JAZF1: variants seen among roughly 807,000 people sequenced by gnomAD.
JAZF1 encodes juxtaposed with another zinc finger protein 1.
JAZF1 carries 8 observed loss-of-function variants against 26.4 expected under a neutral mutation model. The ratio of observed to expected loss-of-function variants is 0.30; its 90% CI spans 0.18 to 0.55. The LOEUF is 0.55. JAZF1 is among the 20% of genes least tolerant of loss of function. JAZF1 has a pLI of 0.94. For synonymous variants in JAZF1, 126 were observed against 122.3 expected (o/e 1.03, Z -0.20); for missense variants, 199 against 322.0 (o/e 0.62, Z 2.92).
chr7:28,109,238 T>C (rs150037686), intron 1 of JAZF1, among the ~76,000 whole-genome samples: 218 of 152,360 alleles, frequency 1.4e-3, no homozygotes, highest in Middle Eastern at 0.01. Context: ...AAGATAACTA[T>C]GTGAGGTGAT....
intron 1 of JAZF1, among the ~76,000 whole-genome samples, chr7:28,021,629 T>C (rs1371961419): frequency 1.3e-5 from 2 of 152,134 alleles, no homozygotes; most frequent in African/African-American, 2.4e-5. Context: ...GACATGGTGG[T>C]GGGGCAGGGT....
intron 1 of JAZF1, among the ~76,000 whole-genome samples, chr7:28,065,427 G>A (rs965252236): frequency 1.3e-5 from 2 of 151,966 alleles, no homozygotes; most frequent in Non-Finnish European, 2.9e-5. Flanking sequence ...GCGGGGAGGC[G>A]CCTCAGGAGA....
intron 1 of JAZF1, among the ~76,000 whole-genome samples, chr7:28,038,549 T>C (rs910812307): frequency 6.6e-5 from 10 of 152,242 alleles, no homozygotes; most frequent in Non-Finnish European, 1.3e-4. Context: ...GTTTAACATC[T>C]GCTTTTTATA....
intron 2 of JAZF1, among the ~76,000 whole-genome samples, chr7:27,923,375 G>T (rs776669506): frequency 6.6e-6 from 1 of 152,232 alleles, no homozygotes; most frequent in Admixed American, 6.5e-5. Context: ...ACTGTCAACA[G>T]CCAAAGTTAA....
chr7:28,012,484 C>A (rs989819060), intron 1 of JAZF1, among the ~76,000 whole-genome samples: 7 of 152,096 alleles, frequency 4.6e-5, no homozygotes, highest in Non-Finnish European at 1.0e-4. Flanking sequence ...AGAAAAGAAA[C>A]GACTGAAATT....
chr7:28,074,913 T>C (rs1562578471), intron 1 of JAZF1, among the ~76,000 whole-genome samples: 1 of 152,144 alleles, frequency 6.6e-6, no homozygotes, highest in Non-Finnish European at 1.5e-5. Flanking sequence ...TTATAAAAAA[T>C]GTCAACCATT....
chr7:27,903,426 A>G (rs1784200267), intron 2 of JAZF1, among the ~76,000 whole-genome samples: 1 of 152,128 alleles, frequency 6.6e-6, no homozygotes, highest in Non-Finnish European at 1.5e-5. Flanking sequence ...AACTCCTGGG[A>G]TCAAGCAATC....
chr7:27,990,657 C>T (rs1785881461), intron 2 of JAZF1, among the ~76,000 whole-genome samples: 2 of 152,068 alleles, frequency 1.3e-5, no homozygotes, highest in African/African-American at 2.4e-5. Context: ...CCTGTTCATC[C>T]TATTCTCCAA....
At chr7:28,064,340 T>A (rs1207077495) in intron 1 of JAZF1, among the ~76,000 whole-genome samples, 2 of 152,012 alleles carry the variant, frequency 1.3e-5, no homozygotes, top group East Asian at 3.8e-4. Context: ...TATGTAAAAA[T>A]CGTATATAAG....
At chr7:27,955,827 A>G (rs1562539708) in intron 2 of JAZF1, among the ~76,000 whole-genome samples, 1 of 152,336 alleles carries the variant, frequency 6.6e-6, no homozygotes, top group South Asian at 2.1e-4. Flanking sequence ...CCAAAGCTCA[A>G]CAAGGTTAAC....
intron 2 of JAZF1, among the ~76,000 whole-genome samples, chr7:27,979,227 T>A (rs1356694742): frequency 6.6e-6 from 1 of 152,044 alleles, no homozygotes; most frequent in Non-Finnish European, 1.5e-5. Context: ...GGCATGACAA[T>A]TCTTTACATC....
At chr7:28,000,792 T>G (rs1028570991) in intron 1 of JAZF1, among the ~76,000 whole-genome samples, 1 of 151,928 alleles carries the variant, frequency 6.6e-6, no homozygotes, top group African/African-American at 2.4e-5. Context: ...CTAATTTTTG[T>G]GTTTTTAGTA....
At chr7:28,174,312 T>C (rs1035166964) in intron 1 of JAZF1, among the ~76,000 whole-genome samples, 8 of 152,180 alleles carry the variant, frequency 5.3e-5, no homozygotes, top group Non-Finnish European at 1.2e-4. Context: ...TTCAGAAACA[T>C]TGTCTCCTGT....
At chr7:27,962,356 T>G (rs1369786864) in intron 2 of JAZF1, among the ~76,000 whole-genome samples, 1 of 152,180 alleles carries the variant, frequency 6.6e-6, no homozygotes, top group Non-Finnish European at 1.5e-5. Context: ...CCATACCCAT[T>G]AAGTGTTAGG....
chr7:27,895,325 G>A lies in JAZF1; in HGVS notation c.280C>T (p.Arg94Ter). 2 of 1,611,482 alleles carry A rather than the reference G, an allele frequency of 1.2e-6. No homozygotes were observed. The highest frequency in any genetic ancestry group is 1.7e-6 in the Non-Finnish European group (2 of 1,178,780). Residue 94 changes from arginine to a stop codon, truncating the protein, a stop_gained, in exon 3 of 5, where the codon CGA (arginine) becomes TGA (stop). Transcript: ENST00000283928. LOFTEE classifies it high-confidence loss of function. ...CGTGGGGGAGTGGACACATTCCCTC[G>A]AGACACTGAGCTGGACAGAGTCAGC... ...LSLTLSSSVS[R>*]GNVSTPPRHS...
chr7:27,842,714 T>C lies in JAZF1; in HGVS notation c.386-1847A>G, dbSNP rs569719102. 5 of 152,296 alleles carry C rather than the reference T, an allele frequency of 3.3e-5. No homozygotes were observed. In the South Asian group the frequency reaches 6.2e-4, roughly 19 times the overall value. 9.4% of individuals were successfully genotyped at this position (152,296 alleles called of 1,614,324 possible). A position where few individuals can be genotyped will look rare whatever the true frequency, so the allele number is the denominator to read the frequency against. On this transcript the variant is annotated intron_variant, in intron 3 of 4. Coordinates refer to ENST00000283928, the MANE Select transcript of JAZF1 (RefSeq NM_175061.4). ...TTTAAGTAGGGCATTGTTTAAGACA[T>C]TTTACTCTTAAACAAATGCCACATG...
chr7:28,009,085 T>C (rs1782751924), intron 1 of JAZF1, among the ~76,000 whole-genome samples: 1 of 152,192 alleles, frequency 6.6e-6, no homozygotes, highest in Non-Finnish European at 1.5e-5. Context: ...TACTATCAGC[T>C]GAGTTTCCAC....
intron 1 of JAZF1, among the ~76,000 whole-genome samples, chr7:28,163,292 C>A (rs1783320164): frequency 6.6e-6 from 1 of 152,176 alleles, no homozygotes; most frequent in African/African-American, 2.4e-5. Context: ...GCTCTCTCAG[C>A]CACAAGAAGG....
intron 1 of JAZF1, among the ~76,000 whole-genome samples, chr7:28,139,522 G>A (rs1782932439): frequency 6.6e-6 from 1 of 152,216 alleles, no homozygotes. Context: ...TATGAAGACT[G>A]GAGTTATGCT....
Sources: gnomAD v4.1 joint callset for allele counts (sites outside exome capture counted in the v4.1 genomes callset) on GRCh38, gnomAD v4.1.1 for gene constraint, MANE v1.5 for transcripts, NCBI Gene and HGNC (gene_info 2026-07-23, HGNC 2026-07-21) for gene names.